The following CYP3A5 variants were observed in gnomAD, a reference collection of about 807,000 sequenced individuals.
CYP3A5 encodes the protein cytochrome P450 family 3 subfamily A member 5.
A neutral mutation model predicts 55.9 loss-of-function variants in CYP3A5; 51 were observed. The ratio of observed to expected loss-of-function variants is 0.91; its 90% CI spans 0.73 to 1.15. The LOEUF (loss-of-function observed/expected upper bound fraction) is 1.15, where lower values mean the gene tolerates loss of function less well. Ranked by LOEUF, CYP3A5 falls within the 50% of genes most tolerant of loss-of-function variation. The pLI is 0.00. For synonymous variants in CYP3A5, 196 were observed against 213.9 expected, an observed-to-expected ratio of 0.92 and a Z score of 0.73; for missense variants, 533 against 596.6, an observed-to-expected ratio of 0.89 and a Z score of 1.11.
rs1457330112 is a variant in CYP3A5, at chr7:99,666,525, G to A, written c.521+76C>T. 63 of 1,452,300 alleles carry A rather than the reference G, an allele frequency of 4.3e-5. 1 individual carries two copies. Among genetic ancestry groups the A allele is most frequent in the Non-Finnish European group, 5.6e-5 (58 of 1,035,892 alleles). The allele number at this position is 1,452,300 out of a possible 1,614,324, so 90.0% of individuals were successfully genotyped here. On this transcript the variant is annotated intron_variant, in intron 6 of 12. Transcript: ENST00000222982. ...CTGGTCACTGGAGTAACCCAACAGT[G>A]CGACTGTCGACTCCATGGCAGGCAG...
chr7:99,660,564 G>T lies in CYP3A5; in HGVS notation c.961C>A (p.Leu321Met). 5 of 1,613,980 alleles carry T rather than the reference G, an allele frequency of 3.1e-6. No homozygotes were observed. The highest frequency in any genetic ancestry group is 4.2e-6 in the Non-Finnish European group (5 of 1,179,970). The part of the protein sequence containing the change: ...SSVLSFTLYE[L>M]ATHPDVQQKL... The stretch of plus-strand genomic sequence containing the variant: ...TGCTGGACATCAGGGTGAGTGGCCA[G>T]TTCATATAAAGTGAAGGAAAGAACA... The change falls in exon 10 of 13, where the codon CTG becomes ATG. Residue 321 changes from leucine (L) to methionine (M), a missense_variant. Physicochemically the swap from Leu to Met is conservative, Grantham distance 15. Coordinates refer to ENST00000222982, the MANE Select transcript of CYP3A5 (RefSeq NM_000777.5).
intron 10 of CYP3A5, among the ~76,000 whole-genome samples, chr7:99,657,037 G>T (rs565902270): frequency 1.3e-5 from 2 of 151,958 alleles, no homozygotes; most frequent in Non-Finnish European, 2.9e-5. Flanking sequence ...ACCAGCTCCT[G>T]GATTCATTGA....
At chr7:99,673,013 A>G (rs937233478) in intron 3 of CYP3A5, 1 of 394,046 alleles carries the variant, frequency 2.5e-6, no homozygotes, top group Non-Finnish European at 3.7e-6. Flanking sequence ...CTCCTATGCC[A>G]CTCTCCATAA....
In CYP3A5 at chr7:99,674,535, C is replaced by T. The variant is rs895150745; in HGVS notation, c.216G>A (p.Trp72Ter). 5.6e-6 allele frequency: 9 copies of T among 1,613,496 alleles called. No individual in the cohort carries two copies. The highest frequency in any genetic ancestry group is 1.6e-4 in the Middle Eastern group (1 of 6,082). ...TECYKKYGKMWGTYEGQLPVL... is the reference protein window; with the variant it reads ...TECYKKYGKM Reference sequence around the variant, plus strand: ...ATGGAGGTTTTCAGAATACTCACCCCCACATTTTTCCATACTTTTTATAGC... The same window carrying T: ...ATGGAGGTTTTCAGAATACTCACCCTCACATTTTTCCATACTTTTTATAGC... The change falls in exon 3 of 13, where the codon TGG becomes TGA. Residue 72 changes from tryptophan (W) to a stop codon, truncating the protein, a stop_gained and splice_region_variant. Transcript: ENST00000222982. LOFTEE classifies it high-confidence loss of function.
intron 12 of CYP3A5, among the ~76,000 whole-genome samples, 191 bp downstream of exon 12, chr7:99,649,882 T>C (rs1282388494): frequency 6.6e-6 from 1 of 152,140 alleles, no homozygotes; most frequent in Non-Finnish European, 1.5e-5. Flanking sequence ...GTGTGGACTT[T>C]ACATGATGTT....
intron 4 of CYP3A5, chr7:99,671,928 C>A (rs1467377721): frequency 1.5e-6 from 1 of 689,154 alleles, no homozygotes; most frequent in African/African-American, 1.8e-5. Context: ...TAAACACACA[C>A]AAACAAGGGC....
At chr7:99,673,840 C>T (rs1040593582) in intron 3 of CYP3A5, among the ~76,000 whole-genome samples, 8 of 152,262 alleles carry the variant, frequency 5.3e-5, no homozygotes, top group African/African-American at 1.7e-4. Flanking sequence ...GGACAGAAGG[C>T]GATGCTGGGA....
intron 4 of CYP3A5, among the ~76,000 whole-genome samples, chr7:99,667,431 G>A (rs1308287147): frequency 6.6e-6 from 1 of 152,186 alleles, no homozygotes; most frequent in Non-Finnish European, 1.5e-5. Context: ...GTGACAGATG[G>A]GCAGACTGTA....
At chr7:99,666,839 A>G in intron 5 of CYP3A5, 113 bp downstream of exon 5, 5 of 1,575,700 alleles carry the variant, frequency 3.2e-6, no homozygotes, top group South Asian at 1.2e-5. Context: ...GACCATTTTT[A>G]GGAAGCTCGA....
rs1203173762 is a variant in CYP3A5 at position 99,653,046 on chromosome 7, G to C, written c.1027-267C>G. 6.6e-6 allele frequency among the ~76,000 whole-genome samples: 1 copy of C among 152,138 alleles called. No homozygotes were observed. Among genetic ancestry groups the C allele is most frequent in the Non-Finnish European group, 1.5e-5 (1 of 68,022 alleles). ...AAATCCTTAGCATGACCATGTAGTG[G>C]TTTTTCTTTCTCATGGGAAGAAATG... On this transcript the variant is annotated intron_variant, in intron 10 of 12. Coordinates refer to ENST00000222982, the MANE Select transcript of CYP3A5 (RefSeq NM_000777.5). This position sits in a 1 kb window ranked among gnomAD's most constrained non-coding sequence, Gnocchi z 4.2.
intron 4 of CYP3A5, among the ~76,000 whole-genome samples, chr7:99,670,707 T>C (rs1383622755): frequency 6.6e-6 from 1 of 152,224 alleles, no homozygotes; most frequent in Non-Finnish European, 1.5e-5. Flanking sequence ...ACCTTGTTCA[T>C]GTCATTGCTT....
chr7:99,664,057 T>G lies in CYP3A5; in HGVS notation c.709A>C (p.Asn237His). 2 of 1,596,592 alleles carry G rather than the reference T, an allele frequency of 1.3e-6. No homozygotes were observed. Among genetic ancestry groups the G allele is most frequent in the South Asian group, 2.3e-5 (2 of 86,282 alleles). Reference sequence around the variant, plus strand: ...GTATCTTTTGGAAACAGAGAGACATTTAATGCTTCAAAAACTGGGGTAAGG... The same window carrying G: ...GTATCTTTTGGAAACAGAGAGACATGTAATGCTTCAAAAACTGGGGTAAGG... ...PFLTPVFEALNVSLFPKDTIN... is the reference protein window; with the variant it reads ...PFLTPVFEALHVSLFPKDTIN... The change falls in exon 8 of 13, where the codon AAT becomes CAT. Residue 237 changes from asparagine to histidine, a missense_variant. Asn to His is a moderately conservative substitution (Grantham distance 68). Coordinates refer to ENST00000222982, the MANE Select transcript of CYP3A5 (RefSeq NM_000777.5).
rs369624467 is a variant in CYP3A5 at position 99,673,771 on chromosome 7, T to C, written c.218+762A>G. On this transcript the variant is annotated intron_variant, in intron 3 of 12. Coordinates refer to ENST00000222982, the MANE Select transcript of CYP3A5 (RefSeq NM_000777.5). ...CACATATTAGAAGGGTCTGAGACAA[T>C]GCATGTGATAAAAGGGCACCTAAGG... Among the ~76,000 whole-genome samples, 25 of 152,206 alleles carry C rather than the reference T, an allele frequency of 1.6e-4. No homozygotes were observed. In the East Asian group the frequency reaches 2.7e-3, roughly 16 times the overall value.
intron 11 of CYP3A5, among the ~76,000 whole-genome samples, chr7:99,651,739 C>G (rs533506093): frequency 6.6e-6 from 1 of 152,314 alleles, no homozygotes; most frequent in South Asian, 2.1e-4. Context: ...TGGGAAAACA[C>G]CAACTATATC....
At chr7:99,656,416 TC>T (rs1336817690) in intron 10 of CYP3A5, among the ~76,000 whole-genome samples, 2 of 152,242 alleles carry the variant, frequency 1.3e-5, no homozygotes, top group African/African-American at 4.8e-5. Context: ...CAGCCTTGCA[TC>T]CCAGGGATGA....
intron 3 of CYP3A5, 186 bp from the exon 4 acceptor site, chr7:99,672,865 C>T (rs1383434107): frequency 2.9e-6 from 4 of 1,401,160 alleles, no homozygotes; most frequent in South Asian, 3.2e-5. Context: ...ACAGGAGCCA[C>T]CCAAGGCTTC....
intron 1 of CYP3A5, among the ~76,000 whole-genome samples, chr7:99,676,836 TG>T (rs1812338734): frequency 6.6e-6 from 1 of 152,172 alleles, no homozygotes; most frequent in African/African-American, 2.4e-5. Flanking sequence ...ACTGTGTTCA[TG>T]GCTTCTATTG....
At chr7:99,673,622 TTCTC>T (rs958595659) in intron 3 of CYP3A5, among the ~76,000 whole-genome samples, 76 of 152,356 alleles carry the variant, frequency 5.0e-4, no homozygotes, top group African/African-American at 1.8e-3. Context: ...CCCAATCTGT[TTCTC>T]TATTATCTCT....
chr7:99,656,096 G>C (rs1330878337), intron 10 of CYP3A5, among the ~76,000 whole-genome samples: 1 of 152,106 alleles, frequency 6.6e-6, no homozygotes, highest in Non-Finnish European at 1.5e-5. Context: ...GATTGCCCTG[G>C]CCAGAACTTC....
Sources: allele counts gnomAD v4.1 joint callset (sites outside exome capture counted in the v4.1 genomes callset), GRCh38; gene constraint gnomAD v4.1.1; non-coding constraint Gnocchi (gnomAD v3.1); transcripts MANE v1.5; gene names NCBI Gene and HGNC (gene_info 2026-07-23, HGNC 2026-07-21).